HMGXB4: variants seen among roughly 807,000 people sequenced by gnomAD.
The protein encoded by HMGXB4 is HMG domain-containing protein 4.
HMGXB4 carries 27 observed loss-of-function variants against 63.9 expected under a neutral mutation model. The observed-to-expected ratio is 0.42, with a 90% confidence interval of 0.31 to 0.58. The LOEUF (loss-of-function observed/expected upper bound fraction) is 0.58, where lower values mean the gene tolerates loss of function less well. HMGXB4 is among the 20% of genes least tolerant of loss of function. HMGXB4 has a pLI of 0.13. For missense variants in HMGXB4, 624 were observed against 700.7 expected (o/e 0.89, Z 1.24); for synonymous variants, 264 against 265.3 (o/e 0.99, Z 0.05).
chr22:35,252,555 G>A (rs1356003282), upstream of HMGXB4, among the ~76,000 whole-genome samples: 4 of 152,218 alleles, frequency 2.6e-5, no homozygotes, highest in African/African-American at 7.2e-5. Context: ...TTTTAAGACT[G>A]AGTAATATCC....
At chr22:35,264,133 C>G in intron 4 of HMGXB4, 4 of 1,322,856 alleles carry the variant, frequency 3.0e-6, no homozygotes, top group Non-Finnish European at 4.2e-6. Context: ...ATCCACTTAT[C>G]TTGTGCCCAT....
chr22:35,247,783 AG>A, the HMGXB4 span, among the ~76,000 whole-genome samples: 1 of 152,054 alleles, frequency 6.6e-6, no homozygotes, highest in Admixed American at 6.5e-5. Flanking sequence ...CCCAGGCAGC[AG>A]GGGAAATCTG....
At chr22:35,245,292 TA>T in the HMGXB4 span, among the ~76,000 whole-genome samples, 2 of 151,524 alleles carry the variant, frequency 1.3e-5, no homozygotes, top group African/African-American at 4.8e-5. Context: ...TTCTATATAT[TA>T]TTTATTTCTT....
In HMGXB4 at chr22:35,278,798, A is replaced by AC. The variant is rs532898014; in HGVS notation, c.1216-5162dup. ...TGAGTAGCTGGGGCTACAAGCATGC[A>AC]CCACCACACCCAGCTAATTTTTTAA... On this transcript the variant is annotated intron_variant, in intron 5 of 10. Transcript: ENST00000216106. Among the ~76,000 whole-genome samples, 27 of 149,852 alleles carry AC rather than the reference A, an allele frequency of 1.8e-4. No homozygotes were observed. The South Asian group carries it at 2.5e-3, about 14-fold the overall frequency.
chr22:35,285,907 A>G, intron 6 of HMGXB4, 90 bp from the exon 7 acceptor site: 1 of 936,546 alleles, frequency 1.1e-6, no homozygotes, highest in Non-Finnish European at 1.6e-6. Context: ...TGAGCTTCAA[A>G]ACCCTTTTCC....
Position 35,263,246 on chromosome 22 carries a change from A to G in HMGXB4, c.180+20A>G, listed in dbSNP as rs755574573. 2.5e-6 allele frequency: 4 copies of G among 1,592,322 alleles called. No individual in the cohort carries two copies. The highest frequency in any genetic ancestry group is 1.1e-5 in the South Asian group (1 of 88,648). On this transcript the variant is annotated intron_variant, in intron 3 of 10. Coordinates refer to ENST00000216106, the MANE Select transcript of HMGXB4 (RefSeq NM_001003681.3). ...TTGAAGGTAAGTCCTGAAAATTTAA[A>G]TTAGGAAAGTCTTAAACTACTCATT...
chr22:35,255,403 T>C (rs1922350747), upstream of HMGXB4, among the ~76,000 whole-genome samples: 1 of 152,030 alleles, frequency 6.6e-6, no homozygotes, highest in Non-Finnish European at 1.5e-5. Context: ...TGGTCCCAGC[T>C]ACTTGGGGGG....
upstream of HMGXB4, among the ~76,000 whole-genome samples, chr22:35,256,905 T>G (rs1031239237): frequency 6.6e-6 from 1 of 152,242 alleles, no homozygotes; most frequent in Non-Finnish European, 1.5e-5. Flanking sequence ...GTATATGACA[T>G]CTCTTCCTCT....
chr22:35,269,147 C>A (rs1355897848), intron 5 of HMGXB4, among the ~76,000 whole-genome samples: 2 of 152,168 alleles, frequency 1.3e-5, no homozygotes, highest in Non-Finnish European at 2.9e-5. Flanking sequence ...GAAGCAGAGG[C>A]AGGTAGATCA....
chr22:35,273,549 G>T (rs187018824), intron 5 of HMGXB4, among the ~76,000 whole-genome samples: 1 of 152,186 alleles, frequency 6.6e-6, no homozygotes, highest in Non-Finnish European at 1.5e-5. Context: ...TTTCGCTTAC[G>T]TCTTAAGTTC....
Position 35,293,778 on chromosome 22 carries a change from T to C in HMGXB4, c.*127T>C. 1 of 518,782 alleles carries C rather than the reference T, an allele frequency of 1.9e-6. No homozygotes were observed. Among genetic ancestry groups the C allele is most frequent in the Admixed American group, 3.4e-5 (1 of 29,830 alleles). 32.1% of individuals were successfully genotyped at this position (518,782 alleles called of 1,614,324 possible). A position where few individuals can be genotyped will look rare whatever the true frequency, so the allele number is the denominator to read the frequency against. On this transcript the variant is annotated 3_prime_UTR_variant, in exon 11 of 11. Transcript: ENST00000216106. The stretch of plus-strand genomic sequence containing the variant: ...AAATTTTTATATCTATACATACATA[T>C]ATACATATATATATAATGTACAATA...
the HMGXB4 span, among the ~76,000 whole-genome samples, chr22:35,250,760 T>G: frequency 1.3e-5 from 2 of 152,134 alleles, no homozygotes; most frequent in Admixed American, 6.6e-5. Flanking sequence ...GGCAGGGACC[T>G]CAGGGATGAC....
upstream of HMGXB4, among the ~76,000 whole-genome samples, chr22:35,255,467 A>C (rs188197244): frequency 2.7e-3 from 413 of 152,324 alleles, 2 homozygotes; most frequent in African/African-American, 9.3e-3. Flanking sequence ...GTGAGCTGTG[A>C]TCGTGCCACT....
Position 35,288,222 on chromosome 22 carries a change from A to G in HMGXB4, c.1469-16A>G. On this transcript the variant is annotated splice_polypyrimidine_tract_variant and intron_variant, in intron 8 of 10. Coordinates refer to ENST00000216106, the MANE Select transcript of HMGXB4 (RefSeq NM_001003681.3). ...TAGGCAAGTTTTACCTGTCTGCCTC[A>G]TTGCTCTGTTCTCAGCCTCTTCTGT... 1 of 1,455,966 alleles carries G rather than the reference A, an allele frequency of 6.9e-7. No individual in the cohort carries two copies. The allele number at this position is 1,455,966 out of a possible 1,614,324, so 90.2% of individuals were successfully genotyped here.
chr22:35,285,144 G>T (rs944880469), intron 6 of HMGXB4, among the ~76,000 whole-genome samples: 3 of 152,210 alleles, frequency 2.0e-5, no homozygotes, highest in African/African-American at 4.8e-5. Flanking sequence ...AGTGGCTCAT[G>T]CCTATAATCT....
In HMGXB4 at chr22:35,293,214, A is replaced by G. The variant is rs181802810; in HGVS notation, c.1761+100A>G. On this transcript the variant is annotated intron_variant, in intron 10 of 10. Coordinates refer to ENST00000216106, the MANE Select transcript of HMGXB4 (RefSeq NM_001003681.3). ...ACACACATAAGGCTTTGTGACACAC[A>G]GTGCTTCCTTCATCTGTTGGCCCAT... 925 of 1,332,452 alleles carry G rather than the reference A, an allele frequency of 6.9e-4. 3 individuals carry two copies. In the African/African-American group the frequency reaches 0.011, roughly 15 times the overall value. The allele number at this position is 1,332,452 out of a possible 1,614,324, so 82.5% of individuals were successfully genotyped here.
chr22:35,286,851 CA>C (rs67190857), intron 7 of HMGXB4: 1,641 of 72,794 alleles, frequency 0.023, 30 homozygotes, highest in African/African-American at 0.093. Context: ...AACTCCATCT[CA>C]AAAAAAAAAA....
chr22:35,288,429 A>G, intron 9 of HMGXB4, 22 bp downstream of exon 9: 1 of 1,543,486 alleles, frequency 6.5e-7, no homozygotes, highest in Non-Finnish European at 8.8e-7. Context: ...TATCAGCAGC[A>G]TGACTACAGT....
chr22:35,288,239 C>T lies in HMGXB4; in HGVS notation c.1470C>T (p.Ala490=), dbSNP rs773995911. 1 of 1,557,674 alleles carries T rather than the reference C, an allele frequency of 6.4e-7. No individual in the cohort carries two copies. Residue 490 remains alanine (A), a splice_region_variant and synonymous_variant, in exon 9 of 11, where the codon GCC becomes GCT. Coordinates refer to ENST00000216106, the MANE Select transcript of HMGXB4 (RefSeq NM_001003681.3). Reference sequence around the variant, plus strand: ...TCTGCCTCATTGCTCTGTTCTCAGCCTCTTCTGTAGGAGTACTGTCACCCC... The same window carrying T: ...TCTGCCTCATTGCTCTGTTCTCAGCTTCTTCTGTAGGAGTACTGTCACCCC... ...SSSEGSMKVK[A]SSVGVLSPQK...
Sources: allele counts gnomAD v4.1 joint callset (sites outside exome capture counted in the v4.1 genomes callset), GRCh38; gene constraint gnomAD v4.1.1; transcripts MANE v1.5; gene names NCBI Gene and HGNC (gene_info 2026-07-23, HGNC 2026-07-21).